The following ENTPD7 variants were observed in gnomAD, a reference collection of about 807,000 sequenced individuals.
ENTPD7 encodes the protein NTPDase 7.
A neutral mutation model predicts 77.9 loss-of-function variants in ENTPD7; 53 were observed. That is an observed-to-expected ratio of 0.68 (90% CI 0.55 to 0.85). The LOEUF is 0.85. Among genes scored for constraint, ENTPD7 ranks in the 40% least tolerant of loss-of-function variants. The pLI is 0.00. For synonymous variants in ENTPD7, 248 were observed against 274.9 expected (o/e 0.90, Z 0.97); for missense variants, 636 against 743.7 (o/e 0.86, Z 1.68).
intron 10 of ENTPD7, among the ~76,000 whole-genome samples, chr10:99,700,176 C>T (rs1179228857): frequency 6.6e-6 from 1 of 152,102 alleles, no homozygotes; most frequent in African/African-American, 2.4e-5. Flanking sequence ...AAATTCTATT[C>T]CCTTGAACAC....
chr10:99,702,788 TTCCTCTC>T, intron 12 of ENTPD7, 115 bp downstream of exon 12: 1 of 939,542 alleles, frequency 1.1e-6, no homozygotes, highest in Non-Finnish European at 1.5e-6. Context: ...TTAAGTGACC[TTCCTCTC>T]TACCCCCTCA....
Position 99,710,201 on chromosome 10 carries a change from G to C in ENTPD7, c.*5518G>C. ...AAGTGGCCCCTCCTACAGAGCACTT[G>C]CCGGCATTTGGCCTGCTGCTGGTGA... On this transcript the variant is annotated 3_prime_UTR_variant, in exon 13 of 13. Coordinates refer to ENST00000370489, the MANE Select transcript of ENTPD7 (RefSeq NM_020354.5). 1 of 985,400 alleles carries C rather than the reference G, an allele frequency of 1.0e-6. No homozygotes were observed. The highest frequency in any genetic ancestry group is 1.2e-6 in the Non-Finnish European group (1 of 829,924). 61.0% of individuals were successfully genotyped at this position (985,400 alleles called of 1,614,324 possible).
At chr10:99,677,225 G>C (rs2035693215) in intron 3 of ENTPD7, among the ~76,000 whole-genome samples, 1 of 151,956 alleles carries the variant, frequency 6.6e-6, no homozygotes, top group Non-Finnish European at 1.5e-5. Flanking sequence ...GCTGAATCTT[G>C]TTTTTAAAAG....
chr10:99,662,104 G>A (rs957895702), intron 3 of ENTPD7, among the ~76,000 whole-genome samples: 2 of 152,138 alleles, frequency 1.3e-5, no homozygotes, highest in African/African-American at 4.8e-5. Flanking sequence ...TCAGTGTTTG[G>A]TTGGGTCTTG....
chr10:99,663,427 T>C (rs939179432), intron 3 of ENTPD7, among the ~76,000 whole-genome samples: 1 of 151,956 alleles, frequency 6.6e-6, no homozygotes, highest in African/African-American at 2.4e-5. Flanking sequence ...AATTTGATTG[T>C]GATGTGCTTT....
intron 10 of ENTPD7, among the ~76,000 whole-genome samples, chr10:99,699,601 G>A (rs1353375193): frequency 6.6e-6 from 1 of 152,178 alleles, no homozygotes; most frequent in Admixed American, 6.5e-5. Flanking sequence ...GTCTCGCTCT[G>A]TAGCCCAGGC....
chr10:99,662,761 CAGAT>C (rs770928679), intron 3 of ENTPD7, among the ~76,000 whole-genome samples: 12 of 152,168 alleles, frequency 7.9e-5, no homozygotes, highest in Non-Finnish European at 8.8e-5. Context: ...AGCTGCAAGA[CAGAT>C]AGATCTCCAT....
In ENTPD7 at chr10:99,679,414, C is replaced by T; in HGVS notation, c.345C>T (p.Ile115=). Residue 115 remains isoleucine (I), a synonymous_variant, in exon 4 of 13, where the codon ATC becomes ATT. Coordinates refer to ENST00000370489, the MANE Select transcript of ENTPD7 (RefSeq NM_020354.5). Reference sequence around the variant, plus strand: ...GGAACCCCCATGACTTGCTGGACATCAAACAGATGAGAGACCGCAACAGCC... The same window carrying T: ...GGAACCCCCATGACTTGCTGGACATTAAACAGATGAGAGACCGCAACAGCC... ...HNGNPHDLLD[I]KQMRDRNSQP... The T allele has an allele frequency of 6.2e-7, 1 of 1,614,118 alleles. No individual in the cohort carries two copies. The highest frequency in any genetic ancestry group is 8.5e-7 in the Non-Finnish European group (1 of 1,180,022).
intron 8 of ENTPD7, among the ~76,000 whole-genome samples, chr10:99,694,790 G>T (rs1035311675): frequency 1.3e-5 from 2 of 152,094 alleles, no homozygotes; most frequent in African/African-American, 4.8e-5. Flanking sequence ...ACCCTCCTTG[G>T]CCTCCCAAAG....
chr10:99,678,901 C>G (rs1002097374), intron 3 of ENTPD7, among the ~76,000 whole-genome samples: 1 of 148,230 alleles, frequency 6.7e-6, no homozygotes, highest in Non-Finnish European at 1.5e-5. Flanking sequence ...ATCTAGTGTG[C>G]GTTAACAAGC....
At chr10:99,684,199 C>T (rs1163095121) in intron 5 of ENTPD7, among the ~76,000 whole-genome samples, 1 of 152,124 alleles carries the variant, frequency 6.6e-6, no homozygotes, top group East Asian at 1.9e-4. Context: ...TTACAGGTGT[C>T]TGTCACCATG....
chr10:99,668,538 C>A (rs2035579909), intron 3 of ENTPD7, among the ~76,000 whole-genome samples: 1 of 152,108 alleles, frequency 6.6e-6, no homozygotes, highest in African/African-American at 2.4e-5. Context: ...AAATAGCTGT[C>A]TTTTAGTCTT....
Position 99,701,020 on chromosome 10 carries a change from T to C in ENTPD7, c.1383T>C (p.Asn461=). Residue 461 remains asparagine (N), a synonymous_variant, in exon 11 of 13, where the codon AAT becomes AAC. Coordinates refer to ENST00000370489, the MANE Select transcript of ENTPD7 (RefSeq NM_020354.5). ...AWSVLTQRFK[N]GLFSSHADEH... ...CGGTACTAACTCAGAGATTCAAGAA[T>C]GGCCTCTTTTCATCACATGCAGATG... 1 of 1,614,174 alleles carries C rather than the reference T, an allele frequency of 6.2e-7. No individual in the cohort carries two copies. Among genetic ancestry groups the C allele is most frequent in the Non-Finnish European group, 8.5e-7 (1 of 1,180,004 alleles).
intron 8 of ENTPD7, among the ~76,000 whole-genome samples, chr10:99,693,688 C>A (rs570980386): frequency 2.4e-4 from 36 of 152,216 alleles, no homozygotes; most frequent in Admixed American, 7.2e-4. Context: ...GAAGCCAAGG[C>A]GGGTGGATCA....
At chr10:99,669,862 G>A (rs1376292043) in intron 3 of ENTPD7, among the ~76,000 whole-genome samples, 3 of 139,390 alleles carry the variant, frequency 2.2e-5, no homozygotes, top group Non-Finnish European at 4.5e-5. Context: ...CCATTCTCCT[G>A]CCTCAGCCTC....
chr10:99,698,790 T>A lies in ENTPD7; in HGVS notation c.1267T>A (p.Tyr423Asn). The A allele has an allele frequency of 3.1e-6, 5 of 1,614,232 alleles. No homozygotes were observed. Among genetic ancestry groups the A allele is most frequent in the Non-Finnish European group, 4.2e-6 (5 of 1,180,044 alleles). The change falls in exon 10 of 13, where the codon TAT becomes AAT. Residue 423 changes from tyrosine (Y) to asparagine (N), a missense_variant. This residue lies in a region of ENTPD7 where 486 missense variants were observed against 556.5 expected (regional missense o/e 0.87). Transcript: ENST00000370489. ...GTTCTACGGCTTCTCTGAGTTTTTT[T>A]ATTGTACAGAGGATGTGTTGCGCAT... ...SEFYGFSEFF[Y>N]CTEDVLRIGG... is the part of the protein sequence containing the mutation.
Position 99,659,891 on chromosome 10 carries a change from G to A in ENTPD7, c.-66G>A. On this transcript the variant is annotated 5_prime_UTR_variant, in exon 2 of 13. Transcript: ENST00000370489. The surrounding 1 kb of genome is among the most constrained non-coding windows in gnomAD (Gnocchi z 4.1). ...CAGACGTAGGAGATGCCTGGGACAA[G>A]GAGGCCACCTTCTCAGGGCAAAAGA... 1 of 1,612,306 alleles carries A rather than the reference G, an allele frequency of 6.2e-7. No individual in the cohort carries two copies. Among genetic ancestry groups the A allele is most frequent in the Non-Finnish European group, 8.5e-7 (1 of 1,178,708 alleles).
intron 3 of ENTPD7, among the ~76,000 whole-genome samples, chr10:99,677,907 G>A (rs2035705306): frequency 6.6e-6 from 1 of 152,096 alleles, no homozygotes; most frequent in Non-Finnish European, 1.5e-5. Context: ...AGCATAGAAA[G>A]CAATAGAGCT....
At position 99,688,719 on chromosome 10, in the gene ENTPD7, C is replaced by A. The variant is rs562789603; in HGVS notation, c.678C>A (p.Asn226Lys). 3.7e-5 allele frequency: 60 copies of A among 1,613,772 alleles called. No homozygotes were observed. In the Middle Eastern group the frequency reaches 9.9e-4, roughly 27 times the overall value. Residue 226 changes from asparagine (N) to lysine (K), a missense_variant, in exon 7 of 13, where the codon AAC becomes AAA. Asn to Lys is a moderately conservative substitution (Grantham distance 94). Transcript: ENST00000370489. ...GGGTTTATGCATGGATTGGAATCAA[C>A]TTTGTTTTGGGAAGATTCGACCACG... is the stretch of plus-strand genomic sequence containing the variant. ...QEGVYAWIGI[N>K]FVLGRFDHED...
Sources: allele counts gnomAD v4.1 joint callset (sites outside exome capture counted in the v4.1 genomes callset), GRCh38; gene constraint gnomAD v4.1.1; regional missense constraint gnomAD v4.1.1; non-coding constraint Gnocchi (gnomAD v3.1); transcripts MANE v1.5; gene names NCBI Gene and HGNC (gene_info 2026-07-23, HGNC 2026-07-21).